Variants in C8A observed in about 807,000 individuals in gnomAD.
C8A encodes the protein complement C8 alpha chain.
A neutral mutation model predicts 65.3 loss-of-function variants in C8A; 67 were observed. That is an observed-to-expected ratio of 1.03 (90% CI 0.84 to 1.26). The LOEUF is 1.26. Among genes scored for constraint, C8A ranks in the 50% most tolerant of loss-of-function variants. C8A has a pLI of 0.00. For missense variants in C8A, 781 were observed against 723.9 expected, an observed-to-expected ratio of 1.08 and a Z score of -0.90; for synonymous variants, 290 against 259.4, an observed-to-expected ratio of 1.12 and a Z score of -1.13.
At chr1:56,869,468 C>T (rs1012712329) in intron 2 of C8A, among the ~76,000 whole-genome samples, 3 of 152,170 alleles carry the variant, frequency 2.0e-5, no homozygotes, top group Non-Finnish European at 4.4e-5. Context: ...GTGAATTGTG[C>T]TGCTATAAAC....
intron 7 of C8A, among the ~76,000 whole-genome samples, chr1:56,900,180 C>G (rs1165712166): frequency 6.6e-6 from 1 of 152,132 alleles, no homozygotes; most frequent in Non-Finnish European, 1.5e-5. Context: ...TCAGGACTAC[C>G]ATTGGCTACA....
At chr1:56,911,062 T>C (rs1276878980) in intron 9 of C8A, among the ~76,000 whole-genome samples, 2 of 94,982 alleles carry the variant, frequency 2.1e-5, no homozygotes, top group Non-Finnish European at 4.1e-5. Context: ...TTGAAAAACA[T>C]GGGTTTTTTT....
intron 4 of C8A, 103 bp downstream of exon 4, chr1:56,876,312 T>C: frequency 7.3e-7 from 1 of 1,369,282 alleles, no homozygotes; most frequent in Non-Finnish European, 1.0e-6. Context: ...AGGGTTCCTC[T>C]GGAGTGCATG....
At chr1:56,904,614 G>A (rs1183088707) in intron 7 of C8A, among the ~76,000 whole-genome samples, 2 of 152,168 alleles carry the variant, frequency 1.3e-5, no homozygotes, top group Non-Finnish European at 2.9e-5. Context: ...ACAGACTTGA[G>A]CGTGAATCTC....
At chr1:56,917,420 C>T (rs201905242) in intron 10 of C8A, 145 bp from the exon 11 acceptor site, 26 of 780,284 alleles carry the variant, frequency 3.3e-5, no homozygotes, top group East Asian at 3.2e-4. Context: ...CTGTACGTAC[C>T]TCCAACAAGC....
At chr1:56,885,148 G>C (rs1644279193) in intron 6 of C8A, among the ~76,000 whole-genome samples, 1 of 151,434 alleles carries the variant, frequency 6.6e-6, no homozygotes, top group Non-Finnish European at 1.5e-5. Flanking sequence ...ACCTAGGCAG[G>C]GGCAATGGGA....
chr1:56,855,019 A>G (rs546389515), intron 1 of C8A, 41 bp downstream of exon 1: 1 of 1,451,790 alleles, frequency 6.9e-7, no homozygotes, highest in Admixed American at 1.7e-5. Flanking sequence ...GCACGTAGGA[A>G]TCACCTGCTG....
intron 7 of C8A, among the ~76,000 whole-genome samples, chr1:56,900,516 C>T (rs1425131318): frequency 6.6e-6 from 1 of 152,190 alleles, no homozygotes; most frequent in African/African-American, 2.4e-5. Context: ...AGAGGTTACA[C>T]TCTTAACCAC....
intron 7 of C8A, among the ~76,000 whole-genome samples, chr1:56,890,246 C>T (rs1644334233): frequency 6.6e-6 from 1 of 152,112 alleles, no homozygotes. Context: ...AACTTCAGCT[C>T]ATCCTTCTGA....
intron 9 of C8A, among the ~76,000 whole-genome samples, chr1:56,911,324 C>T (rs1644504463): frequency 6.6e-6 from 1 of 152,148 alleles, no homozygotes; most frequent in Non-Finnish European, 1.5e-5. Context: ...TATATCATCT[C>T]CCTTAATCCT....
At chr1:56,884,000 T>C (rs771182842) in intron 6 of C8A, among the ~76,000 whole-genome samples, 9 of 150,810 alleles carry the variant, frequency 6.0e-5, no homozygotes, top group Non-Finnish European at 1.3e-4. Flanking sequence ...CCAGACCCTC[T>C]AAATTTCACT....
At chr1:56,890,341 T>A (rs1371708803) in intron 7 of C8A, among the ~76,000 whole-genome samples, 1 of 152,176 alleles carries the variant, frequency 6.6e-6, no homozygotes, top group African/African-American at 2.4e-5. Flanking sequence ...GTTTATACAT[T>A]CATTCATTCA....
At chr1:56,870,862 T>G (rs1644140766) in intron 2 of C8A, among the ~76,000 whole-genome samples, 1 of 152,310 alleles carries the variant, frequency 6.6e-6, no homozygotes, top group African/African-American at 2.4e-5. Context: ...AATATGTTTC[T>G]TCTTCTCAAA....
intron 7 of C8A, among the ~76,000 whole-genome samples, chr1:56,887,822 T>A (rs537628803): frequency 1.3e-5 from 2 of 152,328 alleles, no homozygotes; most frequent in South Asian, 2.1e-4. Flanking sequence ...GATGAGTTCA[T>A]GTCCTTTGCA....
At chr1:56,877,942 C>G (rs1644213744) in intron 4 of C8A, among the ~76,000 whole-genome samples, 1 of 152,030 alleles carries the variant, frequency 6.6e-6, no homozygotes, top group South Asian at 2.1e-4. Context: ...TCTTTCATAC[C>G]AGCAGTATTA....
At chr1:56,901,851 G>A (rs1478916071) in intron 7 of C8A, among the ~76,000 whole-genome samples, 1 of 152,016 alleles carries the variant, frequency 6.6e-6, no homozygotes, top group African/African-American at 2.4e-5. Context: ...CTGTGTCAGA[G>A]TCCTCCTCGC....
In C8A at chr1:56,876,126, G is replaced by A. The variant is rs199940145; in HGVS notation, c.381G>A (p.Glu127=). ...GDQDCLDGSD[E]DDCEDVRAID... ...AGGACTGCCTTGATGGCTCTGATGA[G>A]GACGACTGTGAAGATGTCAGGGCCA... The change falls in exon 4 of 11, where the codon GAG becomes GAA. Residue 127 remains glutamate (E), a synonymous_variant. Coordinates refer to ENST00000361249, the MANE Select transcript of C8A (RefSeq NM_000562.3). The A allele has an allele frequency of 3.4e-5, 55 of 1,613,790 alleles. No individual in the cohort carries two copies. The East Asian group carries it at 4.2e-4, about 12-fold the overall frequency.
chr1:56,916,707 G>GA (rs1432892194), intron 10 of C8A, among the ~76,000 whole-genome samples: 3 of 152,014 alleles, frequency 2.0e-5, no homozygotes, highest in African/African-American at 4.8e-5. Context: ...TTTCATTTAG[G>GA]AAAAATGAAA....
At chr1:56,897,989 C>CT (rs1282675868) in intron 7 of C8A, among the ~76,000 whole-genome samples, 2 of 152,284 alleles carry the variant, frequency 1.3e-5, no homozygotes, top group East Asian at 3.9e-4. Flanking sequence ...GGAGCCACAA[C>CT]TTTTTCTGCC....
Sources: gnomAD v4.1 joint callset for allele counts (sites outside exome capture counted in the v4.1 genomes callset) on GRCh38, gnomAD v4.1.1 for gene constraint, MANE v1.5 for transcripts, NCBI Gene and HGNC (gene_info 2026-07-23, HGNC 2026-07-21) for gene names.